YTHDF2: variants seen among roughly 807,000 people sequenced by gnomAD.
YTHDF2 encodes the protein YTH domain-containing family protein 2.
Under a neutral mutation model 50.4 loss-of-function variants are expected in YTHDF2, and 2 were observed. The ratio of observed to expected loss-of-function variants is 0.04; its 90% confidence interval spans 0.02 to 0.12. YTHDF2 has a LOEUF of 0.12. Ranked by LOEUF, YTHDF2 falls within the 10% of genes least tolerant of loss-of-function variation. The pLI is 1.00. For synonymous variants in YTHDF2, 217 were observed against 255.6 expected, an observed-to-expected ratio of 0.85 and a Z score of 1.44; for missense variants, 483 against 722.6, an observed-to-expected ratio of 0.67 and a Z score of 3.80.
intron 4 of YTHDF2, among the ~76,000 whole-genome samples, chr1:28,756,669 G>T (rs2088039891): frequency 1.3e-5 from 2 of 152,116 alleles, no homozygotes; most frequent in South Asian, 4.1e-4. Flanking sequence ...GAAGTATGAG[G>T]ATTCAGCAAG....
At chr1:28,761,216 C>G (rs2088124829) in intron 4 of YTHDF2, among the ~76,000 whole-genome samples, 2 of 146,818 alleles carry the variant, frequency 1.4e-5, no homozygotes, top group Non-Finnish European at 3.0e-5. Context: ...CTCATTGCAG[C>G]TTTGACCTCC....
At position 28,736,969 on chromosome 1, in the gene YTHDF2, G is replaced by C. The variant is rs993714608; in HGVS notation, c.-152G>C. 1 of 961,380 alleles carries C rather than the reference G, an allele frequency of 1.0e-6. No homozygotes were observed. The allele number at this position is 961,380 out of a possible 1,614,324, so 59.6% of individuals were successfully genotyped here. On this transcript the variant is annotated 5_prime_UTR_variant, in exon 1 of 5. Coordinates refer to ENST00000373812, the MANE Select transcript of YTHDF2 (RefSeq NM_016258.3). The stretch of plus-strand genomic sequence containing the variant: ...CGTCGCCGAGTCGGAGCCGGAGCCT[G>C]AGCCGCGCGCTGTGTCTCCGCTGCG...
intron 4 of YTHDF2, among the ~76,000 whole-genome samples, chr1:28,768,292 T>C (rs532402045): frequency 2.6e-5 from 4 of 152,220 alleles, no homozygotes; most frequent in South Asian, 4.1e-4. Context: ...TCATAAACAG[T>C]GATTCTTAAG....
chr1:28,760,770 G>A (rs2088111660), intron 4 of YTHDF2, among the ~76,000 whole-genome samples: 1 of 152,134 alleles, frequency 6.6e-6, no homozygotes, highest in African/African-American at 2.4e-5. Context: ...GGTAGAGACA[G>A]GGTTTCACCA....
chr1:28,761,106 AGTG>A (rs1281632768), intron 4 of YTHDF2, among the ~76,000 whole-genome samples: 1 of 121,726 alleles, frequency 8.2e-6, no homozygotes, highest in Non-Finnish European at 1.6e-5. Flanking sequence ...ATCGTGCATG[AGTG>A]TGTGTGTGTG....
intron 1 of YTHDF2, chr1:28,737,443 C>T: frequency 1.5e-6 from 1 of 671,702 alleles, no homozygotes; most frequent in Non-Finnish European, 2.4e-6. Context: ...TTCCTCGCGT[C>T]GCCGGTGGCG....
rs1033612774 is a variant in YTHDF2, at chr1:28,740,792, C to T, written c.133-1611C>T. On this transcript the variant is annotated intron_variant, in intron 3 of 4. Coordinates refer to ENST00000373812, the MANE Select transcript of YTHDF2 (RefSeq NM_016258.3). ...GATCTCGGCTCACTGCAACCTTCAC[C>T]TCCTGGGTTCACACCATTCTCCTGC... is the stretch of plus-strand genomic sequence containing the variant. Among the ~76,000 whole-genome samples, 13 of 151,306 alleles carry T rather than the reference C, an allele frequency of 8.6e-5. No homozygotes were observed. The East Asian group carries it at 1.8e-3, about 20-fold the overall frequency.
chr1:28,743,647 C>T lies in YTHDF2; in HGVS notation c.1377C>T (p.Phe459=), dbSNP rs1284024593. 6.2e-7 allele frequency: 1 copy of T among 1,614,218 alleles called. No individual in the cohort carries two copies. Among genetic ancestry groups the T allele is most frequent in the Admixed American group, 1.7e-5 (1 of 60,026 alleles). The change falls in exon 4 of 5, where the codon TTC becomes TTT. Residue 459 remains phenylalanine (F), a synonymous_variant. Coordinates refer to ENST00000373812, the MANE Select transcript of YTHDF2 (RefSeq NM_016258.3). The surrounding 1 kb of genome is among the most constrained non-coding windows in gnomAD (Gnocchi z 6.9). ...GGAAAGGCCCCGTTTACTTACTTTT[C>T]AGTGTCAACGGCAGTGGACACTTCT... ...MNGKGPVYLL[F]SVNGSGHFCG...
At chr1:28,754,979 A>G (rs2088014640) in intron 4 of YTHDF2, among the ~76,000 whole-genome samples, 1 of 151,784 alleles carries the variant, frequency 6.6e-6, no homozygotes, top group Admixed American at 6.6e-5. Flanking sequence ...AAAAAAAAAA[A>G]AAAAAGGGGT....
chr1:28,744,289 G>T (rs1169177382), intron 4 of YTHDF2, among the ~76,000 whole-genome samples: 13 of 152,166 alleles, frequency 8.5e-5, no homozygotes, highest in Admixed American at 7.9e-4. Context: ...AGATGCAGAG[G>T]GGTAATGGAA....
At chr1:28,746,586 A>T (rs2087864402) in intron 4 of YTHDF2, among the ~76,000 whole-genome samples, 1 of 125,306 alleles carries the variant, frequency 8.0e-6, no homozygotes, top group African/African-American at 2.8e-5. Context: ...CTCTACTAAA[A>T]ATACTACAAA....
intron 4 of YTHDF2, among the ~76,000 whole-genome samples, chr1:28,760,612 C>G (rs1461090072): frequency 6.6e-6 from 1 of 151,654 alleles, no homozygotes. Context: ...GAATCTCACT[C>G]TGTTGCCCGG....
At chr1:28,744,030 CAGAG>C (rs780545781) in intron 4 of YTHDF2, 44 bp downstream of exon 4, 3 of 1,499,688 alleles carry the variant, frequency 2.0e-6, no homozygotes, top group Non-Finnish European at 2.7e-6. Flanking sequence ...AAGGAGGAAC[CAGAG>C]AGAACAGAAG....
chr1:28,747,882 T>C lies in YTHDF2; in HGVS notation c.1716+3896T>C, dbSNP rs1042367224. Among the ~76,000 whole-genome samples, 4 of 150,972 alleles carry C rather than the reference T, an allele frequency of 2.6e-5. No homozygotes were observed. In the South Asian group the frequency reaches 8.5e-4, roughly 32 times the overall value. ...GGCTCACGCCTGTAAGCACAGCACT[T>C]TGGGAGGCTGAGGCGGGCAGATCAC... On this transcript the variant is annotated intron_variant, in intron 4 of 4. Transcript: ENST00000373812.
intron 4 of YTHDF2, among the ~76,000 whole-genome samples, chr1:28,760,915 T>C (rs1352712719): frequency 6.6e-6 from 1 of 152,102 alleles, no homozygotes; most frequent in Non-Finnish European, 1.5e-5. Flanking sequence ...TATACATAAT[T>C]TTACGTGCTA....
chr1:28,763,543 C>A (rs1287272925), intron 4 of YTHDF2, among the ~76,000 whole-genome samples: 1 of 152,090 alleles, frequency 6.6e-6, no homozygotes, highest in South Asian at 2.1e-4. Context: ...GCAACCTCCA[C>A]CACCCAGGTT....
At position 28,742,610 on chromosome 1, in the gene YTHDF2, A is replaced by C; in HGVS notation, c.340A>C (p.Thr114Pro). Residue 114 changes from threonine to proline, a missense_variant, in exon 4 of 5, where the codon ACT becomes CCT. Coordinates refer to ENST00000373812, the MANE Select transcript of YTHDF2 (RefSeq NM_016258.3). ...MFGQPGALGS[T>P]PFLGQHGFNF... ...TGGGCAACCAGGAGCCCTAGGTAGCACTCCATTTCTTGGTCAGCATGGTTT... is the reference window on the plus strand; with the variant it reads ...TGGGCAACCAGGAGCCCTAGGTAGCCCTCCATTTCTTGGTCAGCATGGTTT... The C allele has an allele frequency of 1.2e-6, 2 of 1,613,552 alleles. No homozygotes were observed.
At chr1:28,738,086 A>G (rs1180018113) in intron 2 of YTHDF2, among the ~76,000 whole-genome samples, 173 bp from the exon 3 acceptor site, 2 of 151,968 alleles carry the variant, frequency 1.3e-5, no homozygotes, top group African/African-American at 4.8e-5. Flanking sequence ...GGAGGGGGAC[A>G]TTTTCACTGG....
chr1:28,745,571 C>G (rs897396462), intron 4 of YTHDF2, among the ~76,000 whole-genome samples: 1 of 151,934 alleles, frequency 6.6e-6, no homozygotes, highest in Admixed American at 6.6e-5. Context: ...ATTAAAAGTA[C>G]AAAATTAGCC....
Sources: gnomAD v4.1 joint callset for allele counts (sites outside exome capture counted in the v4.1 genomes callset) on GRCh38, gnomAD v4.1.1 for gene constraint, Gnocchi (gnomAD v3.1) non-coding constraint, MANE v1.5 for transcripts, NCBI Gene and HGNC (gene_info 2026-07-23, HGNC 2026-07-21) for gene names.